The following FRMD5 variants were observed in gnomAD, a reference collection of about 807,000 sequenced individuals.
FRMD5 encodes FERM domain containing 5.
In FRMD5, 20 loss-of-function variants were observed where a neutral mutation model predicts 69.0. The ratio of observed to expected loss-of-function variants is 0.29; its 90% confidence interval spans 0.20 to 0.42. FRMD5 has a LOEUF of 0.42. FRMD5 is among the 10% of genes least tolerant of loss of function. The pLI, the probability that FRMD5 is intolerant of heterozygous loss-of-function variation, is 1.00. For missense variants in FRMD5, 595 were observed against 708.6 expected (o/e 0.84, Z 1.82); for synonymous variants, 271 against 260.1 (o/e 1.04, Z -0.40).
intron 1 of FRMD5, among the ~76,000 whole-genome samples, chr15:44,138,778 TGAAAA>T (rs543663472): frequency 8.1e-4 from 123 of 152,068 alleles, no homozygotes; most frequent in Non-Finnish European, 1.3e-3. Flanking sequence ...GTGATTATGA[TGAAAA>T]GAAAAGTGGC....
chr15:43,993,070 C>T (rs984678787), intron 1 of FRMD5, among the ~76,000 whole-genome samples: 1 of 152,024 alleles, frequency 6.6e-6, no homozygotes, highest in African/African-American at 2.4e-5. Context: ...TCTAAAATTC[C>T]TCCAGTTCTT....
At position 44,095,483 on chromosome 15, in the gene FRMD5, G is replaced by C. The variant is rs565029138; in HGVS notation, c.102+99470C>G. ...GCCTCCCAAAGTAATGGGATTACAG[G>C]TGTGAGCCAACACGCCTGGCTTGAA... On this transcript the variant is annotated intron_variant, in intron 1 of 13. Transcript: ENST00000417257. Among the ~76,000 whole-genome samples the C allele has an allele frequency of 4.6e-5, 7 of 152,232 alleles. No homozygotes were observed. The East Asian group carries it at 1.4e-3, about 29-fold the overall frequency.
At chr15:43,965,350 C>T (rs2090276056) in intron 1 of FRMD5, among the ~76,000 whole-genome samples, 1 of 152,062 alleles carries the variant, frequency 6.6e-6, no homozygotes, top group African/African-American at 2.4e-5. Context: ...AGGGACTGTA[C>T]ATACACTGCG....
At chr15:44,084,165 T>C (rs975519377) in intron 1 of FRMD5, among the ~76,000 whole-genome samples, 2 of 152,076 alleles carry the variant, frequency 1.3e-5, no homozygotes, top group Non-Finnish European at 2.9e-5. Flanking sequence ...ACCTATATAA[T>C]GAGGCGGCTA....
intron 1 of FRMD5, among the ~76,000 whole-genome samples, chr15:44,007,099 T>C (rs1406467505): frequency 2.6e-5 from 4 of 152,184 alleles, no homozygotes; most frequent in Admixed American, 6.5e-5. Context: ...AGTCAGCAGC[T>C]GTCAACATCA....
At chr15:44,187,682 C>T (rs2696075) in intron 1 of FRMD5, among the ~76,000 whole-genome samples, 16,508 of 151,946 alleles carry the variant, frequency 0.11, 2,049 homozygotes, top group African/African-American at 0.31. Flanking sequence ...ATCCTCCCAC[C>T]TCAGCCCCCT....
chr15:44,156,510 G>A (rs960800957), intron 1 of FRMD5, among the ~76,000 whole-genome samples: 1 of 152,152 alleles, frequency 6.6e-6, no homozygotes, highest in Non-Finnish European at 1.5e-5. Flanking sequence ...GCAAAGTTGA[G>A]GATTTTTTAG....
intron 1 of FRMD5, among the ~76,000 whole-genome samples, chr15:44,160,810 T>C (rs1051687216): frequency 6.6e-6 from 1 of 152,258 alleles, no homozygotes; most frequent in African/African-American, 2.4e-5. Flanking sequence ...TGATTCCTTG[T>C]CTATAAAATT....
intron 1 of FRMD5, among the ~76,000 whole-genome samples, chr15:43,934,813 A>G (rs1334338903): frequency 2.0e-5 from 3 of 152,158 alleles, no homozygotes; most frequent in Admixed American, 2.0e-4. Context: ...CTATTTCCTA[A>G]ACTATAACCC....
At position 43,872,853 on chromosome 15, in the gene FRMD5, TG is replaced by T; in HGVS notation, c.*1031del. 7.2e-6 allele frequency: 2 copies of T among 279,664 alleles called. No individual in the cohort carries two copies. Among genetic ancestry groups the T allele is most frequent in the Non-Finnish European group, 1.3e-5 (2 of 151,458 alleles). 17.3% of individuals were successfully genotyped at this position (279,664 alleles called of 1,614,324 possible). ...CATAAAGTAAAAACAAAATATGAAT[TG>T]TTAAGAAAATAACATTTCGTTGTTA... is the stretch of plus-strand genomic sequence containing the variant. On this transcript the variant is annotated 3_prime_UTR_variant, in exon 14 of 14. Coordinates refer to ENST00000417257, the MANE Select transcript of FRMD5 (RefSeq NM_032892.5).
At chr15:44,144,410 A>G (rs1412968261) in intron 1 of FRMD5, among the ~76,000 whole-genome samples, 2 of 152,192 alleles carry the variant, frequency 1.3e-5, no homozygotes, top group Non-Finnish European at 2.9e-5. Context: ...TAGTGGGTAG[A>G]GCCAAGGACA....
chr15:44,090,977 T>C (rs1223444800), intron 1 of FRMD5, among the ~76,000 whole-genome samples: 1 of 152,192 alleles, frequency 6.6e-6, no homozygotes, highest in East Asian at 1.9e-4. Flanking sequence ...TTGGGGACCC[T>C]GCACAAAGAG....
intron 1 of FRMD5, among the ~76,000 whole-genome samples, chr15:44,186,158 C>G (rs1377250678): frequency 6.6e-6 from 1 of 152,132 alleles, no homozygotes; most frequent in Non-Finnish European, 1.5e-5. Context: ...AACTCCAGAC[C>G]TCAGGGGATC....
intron 1 of FRMD5, among the ~76,000 whole-genome samples, chr15:44,113,725 C>T (rs2076830967): frequency 6.6e-6 from 1 of 152,170 alleles, no homozygotes; most frequent in Non-Finnish European, 1.5e-5. Context: ...CCTTTCCCAG[C>T]CTCTAGTAAT....
chr15:43,968,213 G>A (rs150748748), intron 1 of FRMD5, among the ~76,000 whole-genome samples: 74 of 151,440 alleles, frequency 4.9e-4, no homozygotes, highest in African/African-American at 1.8e-3. Context: ...TACCCCAACC[G>A]CCCCCAATTA....
At chr15:44,115,844 G>A (rs569484425) in intron 1 of FRMD5, among the ~76,000 whole-genome samples, 8 of 152,276 alleles carry the variant, frequency 5.3e-5, no homozygotes, top group East Asian at 1.9e-4. Context: ...AGCTGCAAAC[G>A]TAGAGTCAAT....
intron 1 of FRMD5, among the ~76,000 whole-genome samples, chr15:44,099,513 ATGTGGAAAC>A (rs1427579552): frequency 6.6e-6 from 1 of 152,210 alleles, no homozygotes; most frequent in Non-Finnish European, 1.5e-5. Flanking sequence ...TGAAAAAAAA[ATGTGGAAAC>A]TGCAATCATG....
At chr15:43,946,705 T>G (rs888426883) in intron 1 of FRMD5, among the ~76,000 whole-genome samples, 1 of 152,210 alleles carries the variant, frequency 6.6e-6, no homozygotes, top group Non-Finnish European at 1.5e-5. Flanking sequence ...AGAGTTCTGC[T>G]AGATGGGGCA....
At chr15:43,881,760 T>C (rs2088536235) in intron 13 of FRMD5, among the ~76,000 whole-genome samples, 1 of 152,212 alleles carries the variant, frequency 6.6e-6, no homozygotes, top group Non-Finnish European at 1.5e-5. Flanking sequence ...AACTTGATGG[T>C]GTTTGTCTAG....
Sources: allele counts gnomAD v4.1 joint callset (sites outside exome capture counted in the v4.1 genomes callset), GRCh38; gene constraint gnomAD v4.1.1; transcripts MANE v1.5; gene names NCBI Gene and HGNC (gene_info 2026-07-23, HGNC 2026-07-21).